The following LIMCH1 variants were observed in gnomAD, a reference collection of about 807,000 sequenced individuals.
LIMCH1 encodes LIM and calponin homology domains 1.
In LIMCH1, 113 loss-of-function variants were observed where a neutral mutation model predicts 176.5. The ratio of observed to expected loss-of-function variants is 0.64; its 90% CI spans 0.55 to 0.75. LIMCH1 has a LOEUF of 0.75. Ranked by LOEUF, LIMCH1 falls within the 30% of genes least tolerant of loss-of-function variation. LIMCH1 has a pLI of 0.00. For missense variants in LIMCH1, 1,674 were observed against 1,814.9 expected (o/e 0.92, Z 1.41); for synonymous variants, 619 against 645.9 (o/e 0.96, Z 0.63).
intron 1 of LIMCH1, among the ~76,000 whole-genome samples, chr4:41,547,664 A>G (rs999370510): frequency 2.0e-5 from 3 of 146,638 alleles, no homozygotes; most frequent in Non-Finnish European, 4.5e-5. Context: ...AGATATAAAT[A>G]TATACATATA....
chr4:41,602,678 C>T (rs1019863777), intron 2 of LIMCH1, among the ~76,000 whole-genome samples: 12 of 151,758 alleles, frequency 7.9e-5, no homozygotes, highest in African/African-American at 2.9e-4. Context: ...CATGGTGGCA[C>T]GTGCCTGTAG....
intron 1 of LIMCH1, among the ~76,000 whole-genome samples, chr4:41,440,679 C>G (rs531397134): frequency 6.6e-6 from 1 of 152,174 alleles, no homozygotes; most frequent in South Asian, 2.1e-4. Flanking sequence ...ACTACAGGTG[C>G]ACACCACCGC....
chr4:41,641,461 TA>T (rs35128364), intron 14 of LIMCH1, among the ~76,000 whole-genome samples: 40,473 of 148,406 alleles, frequency 0.27, 5,670 homozygotes, highest in Middle Eastern at 0.34. Context: ...TGATATTTCT[TA>T]AAAAAAAAAA....
intron 1 of LIMCH1, among the ~76,000 whole-genome samples, chr4:41,422,124 G>C (rs939429041): frequency 5.3e-5 from 8 of 152,104 alleles, no homozygotes; most frequent in Non-Finnish European, 1.2e-4. Context: ...CAGAGAGTGA[G>C]AGAGATTAGA....
At chr4:41,543,384 G>A (rs1458689919) in intron 1 of LIMCH1, among the ~76,000 whole-genome samples, 1 of 152,178 alleles carries the variant, frequency 6.6e-6, no homozygotes. Context: ...CTCCTGTGGA[G>A]ATAGTGTTTT....
chr4:41,622,540 AT>A (rs2152831246), intron 7 of LIMCH1, among the ~76,000 whole-genome samples: 1 of 152,318 alleles, frequency 6.6e-6, no homozygotes, highest in South Asian at 2.1e-4. Context: ...CATTAAGCTA[AT>A]TCAGCACACT....
At chr4:41,502,481 G>T (rs1045107241) in intron 2 of LIMCH1, among the ~76,000 whole-genome samples, 1 of 152,108 alleles carries the variant, frequency 6.6e-6, no homozygotes, top group South Asian at 2.1e-4. Context: ...CTGAGGAATC[G>T]CCACACTATC....
chr4:41,608,873 C>T (rs2091068785), intron 4 of LIMCH1, among the ~76,000 whole-genome samples: 3 of 152,136 alleles, frequency 2.0e-5, no homozygotes, highest in South Asian at 4.2e-4. Context: ...TCTCTTATCT[C>T]TCCTTAAACT....
intron 1 of LIMCH1, among the ~76,000 whole-genome samples, chr4:41,539,890 A>G (rs1165678650): frequency 6.6e-6 from 1 of 152,250 alleles, no homozygotes; most frequent in African/African-American, 2.4e-5. Flanking sequence ...AACAGTGACC[A>G]TGGCTGTTGG....
chr4:41,403,213 G>A (rs1248632894), intron 1 of LIMCH1, among the ~76,000 whole-genome samples: 1 of 152,032 alleles, frequency 6.6e-6, no homozygotes, highest in East Asian at 1.9e-4. Flanking sequence ...TGGGGGTGGT[G>A]GGGGAAGATG....
At chr4:41,644,254 G>A (rs2093955448) in intron 14 of LIMCH1, among the ~76,000 whole-genome samples, 1 of 152,196 alleles carries the variant, frequency 6.6e-6, no homozygotes, top group Non-Finnish European at 1.5e-5. Context: ...ACCCGATTCA[G>A]TGACATCACT....
upstream of LIMCH1, chr4:41,359,638 CTT>C (rs2051772650): frequency 1.3e-5 from 2 of 152,258 alleles, no homozygotes; most frequent in South Asian, 4.2e-4. Context: ...ATGGGGAAGC[CTT>C]TACCATACCT....
chr4:41,570,442 C>G (rs1186640056), intron 1 of LIMCH1, among the ~76,000 whole-genome samples: 1 of 152,202 alleles, frequency 6.6e-6, no homozygotes, highest in Non-Finnish European at 1.5e-5. Flanking sequence ...TATCAGCCCT[C>G]TTTTCCTTCA....
At chr4:41,584,734 T>A (rs1561832743) in intron 1 of LIMCH1, among the ~76,000 whole-genome samples, 1 of 152,234 alleles carries the variant, frequency 6.6e-6, no homozygotes. Flanking sequence ...ATTTTAACCA[T>A]TTTTAGGTGT....
chr4:41,481,973 C>T (rs1254082927), intron 1 of LIMCH1, among the ~76,000 whole-genome samples: 5 of 151,996 alleles, frequency 3.3e-5, no homozygotes, highest in Non-Finnish European at 7.4e-5. Flanking sequence ...GCCTCAGCCT[C>T]CTGAATAGCT....
intron 1 of LIMCH1, among the ~76,000 whole-genome samples, chr4:41,439,624 G>T (rs2062483896): frequency 6.6e-6 from 1 of 151,990 alleles, no homozygotes; most frequent in Admixed American, 6.6e-5. Context: ...AAAAAAGTGG[G>T]CTGGGTGCAG....
intron 1 of LIMCH1, among the ~76,000 whole-genome samples, chr4:41,451,822 C>T (rs2063919198): frequency 6.6e-6 from 1 of 152,110 alleles, no homozygotes; most frequent in Admixed American, 6.6e-5. Context: ...CTTTCCTTTC[C>T]TTTCGTCTTT....
chr4:41,540,252 G>A (rs957774493), intron 1 of LIMCH1, among the ~76,000 whole-genome samples: 7 of 152,020 alleles, frequency 4.6e-5, no homozygotes, highest in Non-Finnish European at 7.4e-5. Context: ...TGTGGTTCAA[G>A]ATATGAAGAA....
intron 1 of LIMCH1, among the ~76,000 whole-genome samples, chr4:41,563,982 G>T (rs2082389575): frequency 6.6e-6 from 1 of 152,078 alleles, no homozygotes; most frequent in Non-Finnish European, 1.5e-5. Flanking sequence ...GTGGAACTGT[G>T]TTCCCCCTCT....
Sources: allele counts gnomAD v4.1 joint callset (sites outside exome capture counted in the v4.1 genomes callset), GRCh38; gene constraint gnomAD v4.1.1; transcripts MANE v1.5; gene names NCBI Gene and HGNC (gene_info 2026-07-23, HGNC 2026-07-21).